The following PLBD2 variants were observed in gnomAD, a reference collection of about 807,000 sequenced individuals.
PLBD2 encodes the protein putative aminopeptidase PLBD2.
A neutral mutation model predicts 68.3 loss-of-function variants in PLBD2; 51 were observed. That is an observed-to-expected ratio of 0.75 (90% CI 0.60 to 0.94). The LOEUF is 0.94. Among genes scored for constraint, PLBD2 ranks in the 40% least tolerant of loss-of-function variants. The probability of loss-of-function intolerance (pLI) is 0.00; values close to 1 mark genes in which losing one functional copy is unlikely to be tolerated. For synonymous variants in PLBD2, 314 were observed against 339.3 expected (o/e 0.93, Z 0.82); for missense variants, 729 against 792.2 (o/e 0.92, Z 0.96).
In PLBD2 at chr12:113,380,747, GAC is replaced by G. The variant is rs1392257366; in HGVS notation, c.863_864del (p.Asp288ValfsTer87). Reference sequence around the variant, plus strand: ...CCTGGCTCGCTCTGCCTGCACAGGGGACTACCCGCTGGTTCCCGGCAACAAGC... The same window carrying G: ...CCTGGCTCGCTCTGCCTGCACAGGGGTACCCGCTGGTTCCCGGCAACAAGC... ...WLQFREGPWG[D>X]YPLVPGNKLV... is the part of the protein sequence containing the mutation. On this transcript the variant is annotated frameshift_variant, in exon 6 of 12. Transcript: ENST00000280800. The G allele has an allele frequency of 1.2e-5, 18 of 1,549,540 alleles. No homozygotes were observed. The highest frequency in any genetic ancestry group is 1.6e-5 in the Non-Finnish European group (18 of 1,147,102).
chr12:113,368,803 C>T lies in PLBD2; in HGVS notation c.291-313C>T, dbSNP rs545879418. ...TGAAAGTGACTAGAACATGGCGTGG[C>T]ACAGAGCTAACATGTCATCCTCAAT... is the stretch of plus-strand genomic sequence containing the variant. On this transcript the variant is annotated intron_variant, in intron 1 of 11. Coordinates refer to ENST00000280800, the MANE Select transcript of PLBD2 (RefSeq NM_173542.4). Among the ~76,000 whole-genome samples the T allele has an allele frequency of 2.0e-5, 3 of 152,124 alleles. No homozygotes were observed. The South Asian group carries it at 6.2e-4, about 32-fold the overall frequency.
chr12:113,382,728 C>CT (rs768209699), intron 6 of PLBD2, among the ~76,000 whole-genome samples: 6 of 151,414 alleles, frequency 4.0e-5, no homozygotes, highest in African/African-American at 7.3e-5. Flanking sequence ...TGTGTCCAGC[C>CT]TTTTTTTTCC....
chr12:113,379,917 C>G (rs907258396), intron 5 of PLBD2, among the ~76,000 whole-genome samples: 1 of 152,136 alleles, frequency 6.6e-6, no homozygotes, highest in East Asian at 1.9e-4. Flanking sequence ...ACAGAGTTGT[C>G]CCTTGGTGTT....
intron 11 of PLBD2, 147 bp downstream of exon 11, chr12:113,388,053 C>G (rs1957570692): frequency 1.9e-6 from 2 of 1,079,948 alleles, no homozygotes; most frequent in Admixed American, 4.6e-5. Context: ...GTAAAGGTGA[C>G]AGTATGGGCT....
intron 10 of PLBD2, 78 bp downstream of exon 10, chr12:113,387,167 A>C: frequency 6.8e-7 from 1 of 1,462,890 alleles, no homozygotes; most frequent in Non-Finnish European, 9.0e-7. Flanking sequence ...TTTTGTACCA[A>C]CTCATTCAAA....
rs554438319 is a variant in PLBD2, at chr12:113,380,455, T to C, written c.860-290T>C. 4.6e-5 allele frequency among the ~76,000 whole-genome samples: 7 copies of C among 152,308 alleles called. No individual in the cohort carries two copies. The South Asian group carries it at 1.0e-3, about 23-fold the overall frequency. On this transcript the variant is annotated intron_variant, in intron 5 of 11. Coordinates refer to ENST00000280800, the MANE Select transcript of PLBD2 (RefSeq NM_173542.4). ...CAGCTGTGTTGTTTCTTTTTAATCA[T>C]GTTTTTTTCCTAGTATTTTTGGTCC...
intron 1 of PLBD2, chr12:113,359,275 C>T (rs765781564): frequency 2.1e-5 from 4 of 193,530 alleles, no homozygotes; most frequent in Non-Finnish European, 4.2e-5. Context: ...GGAGGCCAGC[C>T]CCCTGTCCCC....
intron 1 of PLBD2, among the ~76,000 whole-genome samples, chr12:113,365,226 G>A (rs1473457062): frequency 6.6e-6 from 1 of 152,050 alleles, no homozygotes; most frequent in Non-Finnish European, 1.5e-5. Flanking sequence ...GTGTGACCTT[G>A]GGCAAATCAC....
In PLBD2 at chr12:113,358,897, G is replaced by C. The variant is rs376110912; in HGVS notation, c.290+7G>C. On this transcript the variant is annotated splice_region_variant and intron_variant, in intron 1 of 11. Coordinates refer to ENST00000280800, the MANE Select transcript of PLBD2 (RefSeq NM_173542.4). ...ACGCCATCCGCGAGACTGGGTAAGGGTTGGCTTATCCCCACGCGGGGCCAT... is the reference window on the plus strand; with the variant it reads ...ACGCCATCCGCGAGACTGGGTAAGGCTTGGCTTATCCCCACGCGGGGCCAT... The C allele has an allele frequency of 7.9e-6, 12 of 1,515,184 alleles. No individual in the cohort carries two copies. In the African/African-American group the frequency reaches 1.7e-4, roughly 22 times the overall value. The allele number at this position is 1,515,184 out of a possible 1,614,324, so 93.9% of individuals were successfully genotyped here. A position where few individuals can be genotyped will look rare whatever the true frequency, so the allele number is the denominator to read the frequency against.
At chr12:113,365,325 ATTT>A (rs760494446) in intron 1 of PLBD2, among the ~76,000 whole-genome samples, 1 of 145,020 alleles carries the variant, frequency 6.9e-6, no homozygotes, top group Admixed American at 6.9e-5. Flanking sequence ...TGTTGGAAGA[ATTT>A]TTTTTTTTTT....
At position 113,374,469 on chromosome 12, in the gene PLBD2, C is replaced by A; in HGVS notation, c.544-5C>A. On this transcript the variant is annotated splice_region_variant and splice_polypyrimidine_tract_variant and intron_variant, in intron 3 of 11. Coordinates refer to ENST00000280800, the MANE Select transcript of PLBD2 (RefSeq NM_173542.4). ...CCCTCCCTCTGCCCCCGCCCCCTCC[C>A]CTAGGTGCGGCTGACCCTCCTGCAG... 1 of 1,586,614 alleles carries A rather than the reference C, an allele frequency of 6.3e-7. No homozygotes were observed. The highest frequency in any genetic ancestry group is 1.1e-5 in the South Asian group (1 of 87,318).
chr12:113,389,192 CA>C lies in PLBD2; in HGVS notation c.*569del, dbSNP rs1273342912. 6.5e-6 allele frequency: 1 copy of C among 152,708 alleles called. No homozygotes were observed. Among genetic ancestry groups the C allele is most frequent in the Non-Finnish European group, 1.5e-5 (1 of 68,116 alleles). 9.5% of individuals were successfully genotyped at this position (152,708 alleles called of 1,614,324 possible). ...GAGGACAGAAACTTGAAAACAAACA[CA>C]AACCAAAGTTTCTGGCCATCTGTGG... On this transcript the variant is annotated 3_prime_UTR_variant, in exon 12 of 12. Coordinates refer to ENST00000280800, the MANE Select transcript of PLBD2 (RefSeq NM_173542.4).
chr12:113,379,272 C>T (rs186075780), intron 5 of PLBD2, among the ~76,000 whole-genome samples: 8 of 143,716 alleles, frequency 5.6e-5, no homozygotes, highest in Admixed American at 4.3e-4. Flanking sequence ...CCCCCCACTG[C>T]ACTCTAGCCT....
At chr12:113,367,377 G>A (rs1957350290) in intron 1 of PLBD2, among the ~76,000 whole-genome samples, 3 of 152,166 alleles carry the variant, frequency 2.0e-5, no homozygotes, top group African/African-American at 7.2e-5. Context: ...GCAAACAGAA[G>A]TTTGCTCATT....
Position 113,358,768 on chromosome 12 carries a change from T to C in PLBD2, c.168T>C (p.Pro56=). ...GGRWARDGQV[P]PASRSRSVLL... is the part of the protein sequence containing the mutation. ...GCTGGGCGCGCGATGGGCAGGTCCCTCCAGCCTCCCGCAGCCGCTCGGTGC... is the reference window on the plus strand; with the variant it reads ...GCTGGGCGCGCGATGGGCAGGTCCCCCCAGCCTCCCGCAGCCGCTCGGTGC... Residue 56 remains proline (P), a synonymous_variant, in exon 1 of 12, where the codon CCT becomes CCC. Transcript: ENST00000280800. 1 of 1,439,888 alleles carries C rather than the reference T, an allele frequency of 6.9e-7. No individual in the cohort carries two copies. The highest frequency in any genetic ancestry group is 3.2e-5 in the Admixed American group (1 of 31,334). 89.2% of individuals were successfully genotyped at this position (1,439,888 alleles called of 1,614,324 possible). A position where few individuals can be genotyped will look rare whatever the true frequency, so the allele number is the denominator to read the frequency against.
chr12:113,358,701 T>G lies in PLBD2; in HGVS notation c.101T>G (p.Phe34Cys). Reference sequence around the variant, plus strand: ...GTGCTGGCCCTGCTGGTCGGGCCGTTCCTGAGCGGCCTGGCGGGGGCGATC... The same window carrying G: ...GTGCTGGCCCTGCTGGTCGGGCCGTGCCTGAGCGGCCTGGCGGGGGCGATC... ...ALVLALLVGP[F>C]LSGLAGAIPA... Residue 34 changes from phenylalanine to cysteine, a missense_variant, in exon 1 of 12, where the codon TTC becomes TGC. Physicochemically the swap from Phe to Cys is radical, Grantham distance 205. Transcript: ENST00000280800. 1 of 1,410,632 alleles carries G rather than the reference T, an allele frequency of 7.1e-7. No homozygotes were observed. The highest frequency in any genetic ancestry group is 9.2e-7 in the Non-Finnish European group (1 of 1,090,490). The allele number at this position is 1,410,632 out of a possible 1,614,324, so 87.4% of individuals were successfully genotyped here.
At position 113,390,501 on chromosome 12, in the gene PLBD2, A is replaced by ACATTTC. The variant is rs1233475333; in HGVS notation, c.*1879_*1884dup. ...TCCAACCATTTATCCACCCATCCAAACATTTCCATCTGTTTTTCCATCCAT... is the reference window on the plus strand; with the variant it reads ...TCCAACCATTTATCCACCCATCCAAACATTTCCATTTCCATCTGTTTTTCCATCCAT... On this transcript the variant is annotated 3_prime_UTR_variant, in exon 12 of 12. Coordinates refer to ENST00000280800, the MANE Select transcript of PLBD2 (RefSeq NM_173542.4). 7.6e-6 allele frequency: 1 copy of ACATTTC among 131,608 alleles called. No individual in the cohort carries two copies. Among genetic ancestry groups the ACATTTC allele is most frequent in the East Asian group, 2.3e-4 (1 of 4,274 alleles). The allele number at this position is 131,608 out of a possible 1,614,324, so 8.2% of individuals were successfully genotyped here.
intron 1 of PLBD2, among the ~76,000 whole-genome samples, chr12:113,361,281 T>C (rs1221456464): frequency 6.6e-6 from 1 of 151,080 alleles, no homozygotes; most frequent in African/African-American, 2.4e-5. Context: ...TCAGGATAAA[T>C]TCTCCCTACA....
At chr12:113,386,878 A>G in intron 9 of PLBD2, 59 bp from the exon 10 acceptor site, 3 of 1,579,900 alleles carry the variant, frequency 1.9e-6, no homozygotes, top group Non-Finnish European at 2.6e-6. Context: ...CTCCCTGGCC[A>G]CAGCCTTGGC....
Sources: gnomAD v4.1 joint callset for allele counts (sites outside exome capture counted in the v4.1 genomes callset) on GRCh38, gnomAD v4.1.1 for gene constraint, MANE v1.5 for transcripts, NCBI Gene and HGNC (gene_info 2026-07-23, HGNC 2026-07-21) for gene names.